ECT2L: variants seen among roughly 807,000 people sequenced by gnomAD.
The protein encoded by ECT2L is epithelial cell-transforming sequence 2 oncogene-like.
In ECT2L, 126 loss-of-function variants were observed where a neutral mutation model predicts 122.8. The ratio of observed to expected loss-of-function variants is 1.03; its 90% CI spans 0.89 to 1.19. The LOEUF is 1.19. Among genes scored for constraint, ECT2L ranks in the 50% most tolerant of loss-of-function variants. The pLI is 0.00. For synonymous variants in ECT2L, 385 were observed against 381.8 expected, an observed-to-expected ratio of 1.01 and a Z score of -0.10; for missense variants, 1,012 against 1,064.1, an observed-to-expected ratio of 0.95 and a Z score of 0.68.
Position 138,902,889 on chromosome 6 carries a change from A to G in ECT2L, c.*262A>G. The G allele has an allele frequency of 2.7e-6, 1 of 373,078 alleles. No individual in the cohort carries two copies. The highest frequency in any genetic ancestry group is 4.9e-6 in the Non-Finnish European group (1 of 204,308). 23.1% of individuals were successfully genotyped at this position (373,078 alleles called of 1,614,324 possible). ...TTTCATGGATAATATTATTTAGAGTAATTTGATGTGATGAAACCTAAGACA... is the reference window on the plus strand; with the variant it reads ...TTTCATGGATAATATTATTTAGAGTGATTTGATGTGATGAAACCTAAGACA... On this transcript the variant is annotated 3_prime_UTR_variant, in exon 22 of 22. Coordinates refer to ENST00000541398, the MANE Select transcript of ECT2L (RefSeq NM_001077706.3).
intron 4 of ECT2L, among the ~76,000 whole-genome samples, chr6:138,835,477 GGGAGGCAGAGGT>G (rs1415021836): frequency 9.2e-5 from 14 of 151,870 alleles, no homozygotes; most frequent in African/African-American, 2.7e-4. Flanking sequence ...GCTTGAGGCC[GGGAGGCAGAGGT>G]TGCAGTGAAC....
chr6:138,882,681 T>C (rs202089917), intron 15 of ECT2L, 43 bp from the exon 16 acceptor site: 1 of 1,605,364 alleles, frequency 6.2e-7, no homozygotes, highest in African/African-American at 1.3e-5. Flanking sequence ...TTGTAAGTTA[T>C]CACAAGTGAA....
At chr6:138,856,544 C>T (rs191254192) in intron 10 of ECT2L, among the ~76,000 whole-genome samples, 1 of 152,306 alleles carries the variant, frequency 6.6e-6, no homozygotes, top group East Asian at 1.9e-4. Context: ...CTCCAGCCTA[C>T]ACACTCCAAC....
rs1779475248 is a variant in ECT2L at position 138,903,401 on chromosome 6, C to G, written c.*774C>G. On this transcript the variant is annotated 3_prime_UTR_variant, in exon 22 of 22. Coordinates refer to ENST00000541398, the MANE Select transcript of ECT2L (RefSeq NM_001077706.3). ...AAAAAAGGACAAGAAATACAAATGG[C>G]AATTTACTCAAAAACTTGTCACACT... 6.6e-6 allele frequency: 1 copy of G among 151,458 alleles called. No homozygotes were observed. The highest frequency in any genetic ancestry group is 1.5e-5 in the Non-Finnish European group (1 of 67,854). 9.4% of individuals were successfully genotyped at this position (151,458 alleles called of 1,614,324 possible). A position where few individuals can be genotyped will look rare whatever the true frequency, so the allele number is the denominator to read the frequency against.
At chr6:138,796,690 T>C (rs1386272979) in intron 1 of ECT2L, among the ~76,000 whole-genome samples, 1 of 152,232 alleles carries the variant, frequency 6.6e-6, no homozygotes, top group Non-Finnish European at 1.5e-5. Flanking sequence ...AGAGTTAATA[T>C]GCTAAGATTT....
chr6:138,809,002 C>T (rs1775803340), intron 1 of ECT2L, among the ~76,000 whole-genome samples: 2 of 152,162 alleles, frequency 1.3e-5, no homozygotes, highest in Admixed American at 6.5e-5. Context: ...GTTGGGATTA[C>T]AGGCGTGAGC....
chr6:138,884,637 C>CA (rs1487494959), intron 16 of ECT2L, among the ~76,000 whole-genome samples: 1 of 149,516 alleles, frequency 6.7e-6, no homozygotes, highest in African/African-American at 2.5e-5. Flanking sequence ...GACTCTGTCT[C>CA]AAAAAAACAA....
rs1251227066 is a variant in ECT2L at position 138,904,013 on chromosome 6, AG to A, written c.*1387del. ...AAATCTTGTTAAAAAGATGAACAAA[AG>A]TTAAAATATTATGCTGTTTTATTGG... is the stretch of plus-strand genomic sequence containing the variant. On this transcript the variant is annotated 3_prime_UTR_variant, in exon 22 of 22. Coordinates refer to ENST00000541398, the MANE Select transcript of ECT2L (RefSeq NM_001077706.3). 1 of 152,234 alleles carries A rather than the reference AG, an allele frequency of 6.6e-6. No homozygotes were observed. Among genetic ancestry groups the A allele is most frequent in the African/African-American group, 2.4e-5 (1 of 41,468 alleles). The allele number at this position is 152,234 out of a possible 1,614,324, so 9.4% of individuals were successfully genotyped here. A position where few individuals can be genotyped will look rare whatever the true frequency, so the allele number is the denominator to read the frequency against.
chr6:138,862,538 G>A (rs1412250837), intron 10 of ECT2L, 89 bp from the exon 11 acceptor site: 5 of 1,282,894 alleles, frequency 3.9e-6, no homozygotes, highest in Non-Finnish European at 5.6e-6. Context: ...ATTTCAACAT[G>A]AGATTTGGAG....
chr6:138,862,642 T>C lies in ECT2L; in HGVS notation c.1214T>C (p.Val405Ala). The C allele has an allele frequency of 6.2e-7, 1 of 1,614,182 alleles. No individual in the cohort carries two copies. Among genetic ancestry groups the C allele is most frequent in the Non-Finnish European group, 8.5e-7 (1 of 1,179,984 alleles). ...GACTATGCAGAGGCAGGAATTGAAGTTCTTTCCCAGCTGTCTCAACTAACT... is the reference window on the plus strand; with the variant it reads ...GACTATGCAGAGGCAGGAATTGAAGCTCTTTCCCAGCTGTCTCAACTAACT... ...PLGASEAGIEVLSQLSQLTGT... is the reference protein window; with the variant it reads ...PLGASEAGIEALSQLSQLTGT... Residue 405 changes from valine (V) to alanine (A), a missense_variant, in exon 11 of 22, where the codon GTT (valine) becomes GCT (alanine). Coordinates refer to ENST00000541398, the MANE Select transcript of ECT2L (RefSeq NM_001077706.3).
At chr6:138,896,389 T>C (rs1779213671) in intron 20 of ECT2L, among the ~76,000 whole-genome samples, 3 of 152,212 alleles carry the variant, frequency 2.0e-5, no homozygotes, top group Non-Finnish European at 4.4e-5. Context: ...TATCCTATTA[T>C]ACTGCCAAAA....
intron 1 of ECT2L, among the ~76,000 whole-genome samples, chr6:138,811,838 G>A (rs921972573): frequency 6.6e-6 from 1 of 151,998 alleles, no homozygotes; most frequent in Non-Finnish European, 1.5e-5. Flanking sequence ...ACAGGTGTGT[G>A]CCACTATGCC....
chr6:138,902,873 T>G lies in ECT2L; in HGVS notation c.*246T>G. On this transcript the variant is annotated 3_prime_UTR_variant, in exon 22 of 22. Coordinates refer to ENST00000541398, the MANE Select transcript of ECT2L (RefSeq NM_001077706.3). ...TCTTTTGGTAGCTGTATTTCATGGATAATATTATTTAGAGTAATTTGATGT... is the reference window on the plus strand; with the variant it reads ...TCTTTTGGTAGCTGTATTTCATGGAGAATATTATTTAGAGTAATTTGATGT... 2.5e-6 allele frequency: 1 copy of G among 403,420 alleles called. No individual in the cohort carries two copies. The highest frequency in any genetic ancestry group is 4.5e-6 in the Non-Finnish European group (1 of 223,010). 25.0% of individuals were successfully genotyped at this position (403,420 alleles called of 1,614,324 possible). A position where few individuals can be genotyped will look rare whatever the true frequency, so the allele number is the denominator to read the frequency against.
chr6:138,806,724 G>A (rs754304383), intron 1 of ECT2L, among the ~76,000 whole-genome samples: 2 of 151,888 alleles, frequency 1.3e-5, no homozygotes, highest in African/African-American at 2.4e-5. Context: ...TGTTGGCCAA[G>A]CTGGTCTCAA....
Position 138,843,169 on chromosome 6 carries a change from T to C in ECT2L, c.533T>C (p.Leu178Pro), listed in dbSNP as rs1164679393. The C allele has an allele frequency of 3.1e-6, 5 of 1,613,538 alleles. No homozygotes were observed. The highest frequency in any genetic ancestry group is 4.2e-6 in the Non-Finnish European group (5 of 1,179,692). ...NEPKTEDEEL[L>P]ERQREKCLRK... is the part of the protein sequence containing the mutation. ...CCCAAAACAGAAGATGAGGAACTAC[T>C]GGAGAGACAAAGAGAAAAGTGCCTG... Residue 178 changes from leucine to proline, a missense_variant, in exon 6 of 22, where the codon CTG (leucine) becomes CCG (proline). Physicochemically the swap from Leu to Pro is moderately conservative, Grantham distance 98. Coordinates refer to ENST00000541398, the MANE Select transcript of ECT2L (RefSeq NM_001077706.3).
chr6:138,838,435 A>AT lies in ECT2L; in HGVS notation c.264dup (p.Ile89TyrfsTer25). ...GTGTTACCACGCTTCATTTCTCTAT[A>AT]TATCTTTTCCTTTTTGAGTCCGAAA... On this transcript the variant is annotated frameshift_variant, in exon 5 of 22. Coordinates refer to ENST00000541398, the MANE Select transcript of ECT2L (RefSeq NM_001077706.3). LOFTEE classifies it high-confidence loss of function. 6.2e-7 allele frequency: 1 copy of AT among 1,614,056 alleles called. No individual in the cohort carries two copies.
chr6:138,821,729 G>A (rs1200021661), intron 4 of ECT2L, among the ~76,000 whole-genome samples: 1 of 152,248 alleles, frequency 6.6e-6, no homozygotes, highest in Non-Finnish European at 1.5e-5. Context: ...AGTTCTGAGT[G>A]CATGGGACTC....
At chr6:138,854,329 TG>T (rs1777544985) in intron 10 of ECT2L, among the ~76,000 whole-genome samples, 175 bp downstream of exon 10, 1 of 152,152 alleles carries the variant, frequency 6.6e-6, no homozygotes, top group Admixed American at 6.5e-5. Context: ...TGAGGGATAG[TG>T]ATGAAAGTAA....
chr6:138,882,949 G>T, intron 16 of ECT2L, 78 bp downstream of exon 16: 1 of 1,479,678 alleles, frequency 6.8e-7, no homozygotes, highest in Non-Finnish European at 9.2e-7. Flanking sequence ...AAAGACCAGC[G>T]TTAATAAGAA....
Sources: allele counts gnomAD v4.1 joint callset (sites outside exome capture counted in the v4.1 genomes callset), GRCh38; gene constraint gnomAD v4.1.1; transcripts MANE v1.5; gene names NCBI Gene and HGNC (gene_info 2026-07-23, HGNC 2026-07-21).